The following HID1 variants were observed in gnomAD, a reference collection of about 807,000 sequenced individuals.
HID1 encodes the protein HID1 domain containing.
A neutral mutation model predicts 89.7 loss-of-function variants in HID1; 42 were observed. The observed-to-expected ratio is 0.47, with a 90% CI of 0.37 to 0.61. HID1 has a LOEUF of 0.61. HID1 is among the 20% of genes least tolerant of loss of function. HID1 has a pLI of 0.00. For synonymous variants in HID1, 442 were observed against 433.8 expected (o/e 1.02, Z -0.24); for missense variants, 854 against 1,039.3 (o/e 0.82, Z 2.45).
intron 3 of HID1, chr17:74,963,332 A>C: frequency 1.9e-6 from 1 of 517,520 alleles, no homozygotes; most frequent in East Asian, 3.3e-5. Context: ...GGTGACCCCA[A>C]CATCAAGAGT....
At chr17:74,964,682 C>A in intron 1 of HID1, 50 bp from the exon 2 acceptor site, 1 of 1,564,464 alleles carries the variant, frequency 6.4e-7, no homozygotes, top group East Asian at 2.3e-5. Context: ...GCCAGAGGGC[C>A]TACACTTTGC....
At chr17:74,953,764 T>A in intron 14 of HID1, 113 bp from the exon 15 acceptor site, 1 of 801,410 alleles carries the variant, frequency 1.2e-6, no homozygotes, top group Non-Finnish European at 2.1e-6. Flanking sequence ...CTCTGGAACC[T>A]CCACCGGCTC....
At chr17:74,953,432 C>A in intron 15 of HID1, 113 bp downstream of exon 15, 1 of 790,776 alleles carries the variant, frequency 1.3e-6, no homozygotes. Context: ...CACTGGGTAA[C>A]TGCCCCTCTG....
rs770889211 is a variant in HID1, at chr17:74,951,603, G to A, written c.2334C>T (p.Thr778=). ...GCTGTATCTCAAACAGCTTCACGTC[G>A]GTGTCGTACCAGACAGGGGGGTCCA... is the stretch of plus-strand genomic sequence containing the variant. ...RNVDPPVWYD[T]DVKLFEIQRV Residue 778 remains threonine (T), a synonymous_variant, in exon 19 of 19, where the codon ACC becomes ACT. Coordinates refer to ENST00000425042, the MANE Select transcript of HID1 (RefSeq NM_030630.3). 9.3e-6 allele frequency: 15 copies of A among 1,612,726 alleles called. No individual in the cohort carries two copies. Among genetic ancestry groups the A allele is most frequent in the Admixed American group, 1.7e-5 (1 of 59,802 alleles).
chr17:74,970,800 A>T (rs564963159), intron 1 of HID1: 1 of 152,346 alleles, frequency 6.6e-6, no homozygotes, highest in South Asian at 2.1e-4. Context: ...AAGGTCAGTG[A>T]TGATCATCTG....
Position 74,953,576 on chromosome 17 carries a change from T to C in HID1, c.1940A>G (p.Gln647Arg). The change falls in exon 15 of 19, where the codon CAG becomes CGG. Residue 647 changes from glutamine (Q) to arginine (R), a missense_variant. Transcript: ENST00000425042. Reference protein sequence around the residue: ...TLRSLEPEPQQSLEDGSPAKG... With the variant: ...TLRSLEPEPQRSLEDGSPAKG... ...AGCCGGGCTGCCATCCTCCAAGCTCTGCTGGGGCTCAGGTTCCAGGGACCG... is the reference window on the plus strand; with the variant it reads ...AGCCGGGCTGCCATCCTCCAAGCTCCGCTGGGGCTCAGGTTCCAGGGACCG... 1 of 1,614,042 alleles carries C rather than the reference T, an allele frequency of 6.2e-7. No homozygotes were observed.
In HID1 at chr17:74,972,563, T is replaced by A; in HGVS notation, c.66+28A>T. ...CCCAGCCCCCAGCCCGGCAGGTGGA[T>A]GGGGACGCCGGGGCCCCCGTGGCGC... On this transcript the variant is annotated intron_variant, in intron 1 of 18. Coordinates refer to ENST00000425042, the MANE Select transcript of HID1 (RefSeq NM_030630.3). The surrounding 1 kb of genome is among the most constrained non-coding windows in gnomAD (Gnocchi z 6.4). 1 of 1,538,684 alleles carries A rather than the reference T, an allele frequency of 6.5e-7. No individual in the cohort carries two copies.
chr17:74,963,144 C>A, intron 3 of HID1, 63 bp from the exon 4 acceptor site: 1 of 1,253,766 alleles, frequency 8.0e-7, no homozygotes. Context: ...TGGCCCAGGG[C>A]TTGGGGGTGG....
Position 74,959,491 on chromosome 17 carries a change from G to A in HID1, c.1008+390C>T, listed in dbSNP as rs1361689337. On this transcript the variant is annotated intron_variant, in intron 8 of 18. Transcript: ENST00000425042. The surrounding 1 kb of genome is among the most constrained non-coding windows in gnomAD (Gnocchi z 4.6). ...CATTTACTGAGGCCTGCCACTAGCT[G>A]GGGTGAGAAGGCAGCTAGGGTCCTG... is the stretch of plus-strand genomic sequence containing the variant. Among the ~76,000 whole-genome samples the A allele has an allele frequency of 6.6e-6, 1 of 152,090 alleles. No individual in the cohort carries two copies.
Position 74,958,355 on chromosome 17 carries a change from G to T in HID1, c.1364C>A (p.Thr455Lys), listed in dbSNP as rs149159856. The change falls in exon 11 of 19, where the codon ACA becomes AAA. Residue 455 changes from threonine to lysine, a missense_variant. Physicochemically the swap from Thr to Lys is moderately conservative, Grantham distance 78 (BLOSUM62 -1). Transcript: ENST00000425042. The surrounding 1 kb of genome is among the most constrained non-coding windows in gnomAD (Gnocchi z 5.2). ...AATGAGCAGGTCGGCGTGGGTCCCTGTGAAGACTGGGATGTCCATGGGCAC... is the reference window on the plus strand; with the variant it reads ...AATGAGCAGGTCGGCGTGGGTCCCTTTGAAGACTGGGATGTCCATGGGCAC... The part of the protein sequence containing the change: ...IRVPMDIPVF[T>K]GTHADLLIVV... 290 of 1,613,166 alleles carry T rather than the reference G, an allele frequency of 1.8e-4. No individual in the cohort carries two copies. The highest frequency in any genetic ancestry group is 2.3e-4 in the Non-Finnish European group (270 of 1,179,728).
intron 1 of HID1, among the ~76,000 whole-genome samples, chr17:74,969,922 C>CTTTTTTTTTTTTTTTT (rs61436029): frequency 8.9e-6 from 1 of 112,162 alleles, no homozygotes; most frequent in African/African-American, 3.5e-5. Context: ...TTTCTTTTTT[C>CTTTTTTTTTTTTTTTT]TTTTTTTTTT....
intron 1 of HID1, among the ~76,000 whole-genome samples, chr17:74,971,417 G>A (rs114120890): frequency 0.015 from 2,297 of 152,316 alleles, 53 homozygotes; most frequent in African/African-American, 0.053. Context: ...CCTTTCAGCC[G>A]GGGTTGGACT....
In HID1 at chr17:74,958,061, C is replaced by T; in HGVS notation, c.1471+80G>A. 3.0e-6 allele frequency: 4 copies of T among 1,340,706 alleles called. No individual in the cohort carries two copies. Among genetic ancestry groups the T allele is most frequent in the Non-Finnish European group, 4.2e-6 (4 of 963,070 alleles). 83.1% of individuals were successfully genotyped at this position (1,340,706 alleles called of 1,614,324 possible). On this transcript the variant is annotated intron_variant, in intron 12 of 18. Transcript: ENST00000425042. This position sits in a 1 kb window ranked among gnomAD's most constrained non-coding sequence, Gnocchi z 5.2. ...TTCTGTGGGCTGGAGGGGCTTGAAA[C>T]CTGGAGCAAGTGGCAGGTTGGCCTG...
chr17:74,954,269 A>C lies in HID1; in HGVS notation c.1733T>G (p.Leu578Arg). Residue 578 changes from leucine (L) to arginine (R), a missense_variant, in exon 14 of 19, where the codon CTG becomes CGG. Leu to Arg is a moderately radical substitution (Grantham distance 102). Transcript: ENST00000425042. Reference protein sequence around the residue: ...PTDPPTIHKALQRRRRTPEPL... With the variant: ...PTDPPTIHKARQRRRRTPEPL... ...CTCAGGTGTCCGCCGGCGCCGCTGC[A>C]GGGCCTTGTGAATGGTGGGCGGGTC... 1 of 1,588,194 alleles carries C rather than the reference A, an allele frequency of 6.3e-7. No homozygotes were observed.
In HID1 at chr17:74,963,824, G is replaced by A. The variant is rs149315593; in HGVS notation, c.303C>T (p.Leu101=). 135 of 1,614,110 alleles carry A rather than the reference G, an allele frequency of 8.4e-5. 1 individual carries two copies. The African/African-American group carries it at 1.5e-3, about 18-fold the overall frequency. ...KQIVLNCSRL[L]TRVLPYIFED... ...CAAAGATGTAGGGCAGCACGCGGGT[G>A]AGCAGCCGGCTGCAGTTCAGGACGA... The change falls in exon 3 of 19, where the codon CTC becomes CTT. Residue 101 remains leucine, a synonymous_variant. Coordinates refer to ENST00000425042, the MANE Select transcript of HID1 (RefSeq NM_030630.3).
chr17:74,955,768 C>T, intron 13 of HID1, 24 bp downstream of exon 13: 1 of 1,611,388 alleles, frequency 6.2e-7, no homozygotes, highest in East Asian at 2.2e-5. Context: ...CCCTGACCAC[C>T]AGGGCCTCAG....
chr17:74,964,264 G>A, intron 2 of HID1: 1 of 608,964 alleles, frequency 1.6e-6, no homozygotes, highest in East Asian at 2.8e-5. Context: ...ACTGATCTGT[G>A]GAAGGTGCTC....
At chr17:74,961,016 G>A (rs2144814316) in intron 6 of HID1, among the ~76,000 whole-genome samples, 2 of 151,222 alleles carry the variant, frequency 1.3e-5, no homozygotes, top group South Asian at 4.2e-4. Flanking sequence ...GCCCTTCGAG[G>A]TATTTGTCAC....
intron 6 of HID1, among the ~76,000 whole-genome samples, chr17:74,961,337 G>A (rs911430581): frequency 1.3e-5 from 2 of 151,792 alleles, no homozygotes; most frequent in African/African-American, 2.4e-5. Flanking sequence ...GCGCAATCTC[G>A]GCTCACTGCA....
Sources: allele counts gnomAD v4.1 joint callset (sites outside exome capture counted in the v4.1 genomes callset), GRCh38; gene constraint gnomAD v4.1.1; non-coding constraint Gnocchi (gnomAD v3.1); transcripts MANE v1.5; gene names NCBI Gene and HGNC (gene_info 2026-07-23, HGNC 2026-07-21).